The following PVT1 variants were observed in gnomAD, a reference collection of about 807,000 sequenced individuals.
The protein encoded by PVT1 is CXCR4/PVT1 fusion.
chr8:127,960,144 G>C (rs1816622135), intron 3 of PVT1, among the ~76,000 whole-genome samples: 1 of 152,214 alleles, frequency 6.6e-6, no homozygotes, highest in African/African-American at 2.4e-5. Context: ...GGCAGCCATT[G>C]TGGTGTTCAT....
At chr8:127,955,673 C>T (rs901122621) in intron 3 of PVT1, among the ~76,000 whole-genome samples, 2 of 151,990 alleles carry the variant, frequency 1.3e-5, no homozygotes, top group African/African-American at 4.8e-5. Flanking sequence ...ACCGCCACCT[C>T]CCAAGTTCGA....
At chr8:128,032,151 C>T (rs1032176875) in intron 4 of PVT1, among the ~76,000 whole-genome samples, 5 of 152,326 alleles carry the variant, frequency 3.3e-5, no homozygotes, top group Non-Finnish European at 4.4e-5. Context: ...CCTTAAGAGA[C>T]GGCTGAAGAC....
chr8:128,098,599 C>G (rs1814458497), intron 6 of PVT1, among the ~76,000 whole-genome samples: 1 of 152,178 alleles, frequency 6.6e-6, no homozygotes, highest in Admixed American at 6.5e-5. Flanking sequence ...CTGTGCCTCA[C>G]TTTACTTGTT....
intron 3 of PVT1, among the ~76,000 whole-genome samples, chr8:127,927,253 A>G (rs7821856): frequency 0.29 from 44,188 of 152,108 alleles, 7,209 homozygotes; most frequent in Middle Eastern, 0.43. Flanking sequence ...AGTGACTAGC[A>G]TCGAGGGGAC....
rs138642964 is a variant in PVT1, at chr8:127,899,561, G to A, written n.782+8563G>A. 3.3e-4 allele frequency among the ~76,000 whole-genome samples: 51 copies of A among 152,314 alleles called. No individual in the cohort carries two copies. The East Asian group carries it at 9.2e-3, about 28-fold the overall frequency. ...ACAGATGAGTCACCTCTGGGAAACT[G>A]CCTGAGAGCTGGATGACACCACTCT... is the stretch of plus-strand genomic sequence containing the variant. On this transcript the variant is annotated intron_variant and non_coding_transcript_variant, in intron 3 of 10. Coordinates refer to ENST00000651587, the Ensembl canonical transcript of PVT1.
At chr8:127,920,927 A>T (rs757420745) in intron 3 of PVT1, among the ~76,000 whole-genome samples, 4 of 152,246 alleles carry the variant, frequency 2.6e-5, no homozygotes, top group Non-Finnish European at 4.4e-5. Context: ...TGCATGGAAG[A>T]TGATTTGCAT....
intron 3 of PVT1, among the ~76,000 whole-genome samples, chr8:127,984,827 C>CTTTCTTTTCTTTTCT (rs879548318): frequency 1.6e-5 from 2 of 126,372 alleles, no homozygotes; most frequent in African/African-American, 5.3e-5. Flanking sequence ...AGGCTGGTTT[C>CTTTCTTTTCTTTTCT]TTTCTTTTCT....
At chr8:127,955,666 G>A (rs148257498) in intron 3 of PVT1, among the ~76,000 whole-genome samples, 3,639 of 144,692 alleles carry the variant, frequency 0.025, 60 homozygotes, top group Middle Eastern at 0.068. Flanking sequence ...CACTACAACC[G>A]CCACCTCCCA....
chr8:128,087,770 T>TTTTTTTG (rs370583568), intron 5 of PVT1, among the ~76,000 whole-genome samples: 13 of 115,594 alleles, frequency 1.1e-4, no homozygotes, highest in Non-Finnish European at 8.8e-5. Context: ...TTTTTTTTTT[T>TTTTTTTG]GAGATGGAGT....
intron 3 of PVT1, among the ~76,000 whole-genome samples, chr8:127,912,560 C>G (rs570075002): frequency 6.6e-6 from 1 of 152,184 alleles, no homozygotes; most frequent in Non-Finnish European, 1.5e-5. Flanking sequence ...CACACCATCC[C>G]AGTGGAGAAG....
At position 127,964,085 on chromosome 8, in the gene PVT1, G is replaced by A. The variant is rs73707149; in HGVS notation, n.783-25077G>A. 5.6e-3 allele frequency among the ~76,000 whole-genome samples: 859 copies of A among 152,324 alleles called. 12 individuals are homozygous for A. Among genetic ancestry groups the A allele is most frequent in the African/African-American group, 0.019 (779 of 41,580 alleles). ...ATTGCAGATGAAGGAGTGCCATGACGACGATGACCCCCAGGAGCGTCCTTC... is the reference window on the plus strand; with the variant it reads ...ATTGCAGATGAAGGAGTGCCATGACAACGATGACCCCCAGGAGCGTCCTTC... On this transcript the variant is annotated intron_variant and non_coding_transcript_variant, in intron 3 of 10. Coordinates refer to ENST00000651587, the Ensembl canonical transcript of PVT1.
intron 3 of PVT1, among the ~76,000 whole-genome samples, chr8:127,950,536 C>T (rs1428928866): frequency 3.3e-5 from 5 of 152,132 alleles, no homozygotes; most frequent in Non-Finnish European, 7.4e-5. Context: ...AAATAAGCAC[C>T]GGGGCCCAGG....
chr8:127,873,547 G>A (rs1338917545), intron 2 of PVT1, among the ~76,000 whole-genome samples: 1 of 152,110 alleles, frequency 6.6e-6, no homozygotes, highest in Non-Finnish European at 1.5e-5. Flanking sequence ...GACCCGGCGT[G>A]CAATTTGCAT....
intron 3 of PVT1, among the ~76,000 whole-genome samples, chr8:127,946,297 C>G (rs1816419822): frequency 1.3e-5 from 2 of 152,216 alleles, no homozygotes; most frequent in Admixed American, 1.3e-4. Context: ...GCAAGCAAAA[C>G]AGACATGGTT....
At chr8:127,825,291 C>T (rs998943636) in intron 2 of PVT1, among the ~76,000 whole-genome samples, 1 of 152,110 alleles carries the variant, frequency 6.6e-6, no homozygotes, top group African/African-American at 2.4e-5. Flanking sequence ...TTTTAAGGCT[C>T]TCAATGCATG....
intron 3 of PVT1, chr8:127,891,027 G>T (rs17189681): frequency 0.13 from 20,060 of 152,568 alleles, 1,377 homozygotes; most frequent in Middle Eastern, 0.16. Flanking sequence ...GTCACGGAGG[G>T]TTCACTGGGA....
chr8:127,883,254 C>G (rs1464563813), intron 2 of PVT1, among the ~76,000 whole-genome samples: 1 of 152,164 alleles, frequency 6.6e-6, no homozygotes, highest in Admixed American at 6.5e-5. Context: ...TACCTCATAC[C>G]CCATTTACCA....
chr8:127,837,337 G>A (rs981951186), intron 2 of PVT1, among the ~76,000 whole-genome samples: 2 of 151,932 alleles, frequency 1.3e-5, no homozygotes, highest in South Asian at 2.1e-4. Context: ...AAAGAAGGCC[G>A]GGGGTGGGCC....
At chr8:128,041,311 TTG>T (rs58969012) in intron 4 of PVT1, among the ~76,000 whole-genome samples, 88,893 of 149,814 alleles carry the variant, frequency 0.59, 27,150 homozygotes, top group East Asian at 0.8. Flanking sequence ...GTGCTCATGT[TTG>T]TGCATGTGTG....
Sources: gnomAD v4.1 joint callset for allele counts (sites outside exome capture counted in the v4.1 genomes callset) on GRCh38, gnomAD v4.1.1 for gene constraint, MANE v1.5 for transcripts, NCBI Gene and HGNC (gene_info 2026-07-23, HGNC 2026-07-21) for gene names.